The following AGAP1 variants were observed in gnomAD, a reference collection of about 807,000 sequenced individuals.
The protein encoded by AGAP1 is arf-GAP with GTPase, ANK repeat and PH domain-containing protein 1.
A neutral mutation model predicts 105.3 loss-of-function variants in AGAP1; 29 were observed. The observed-to-expected ratio is 0.28, with a 90% CI of 0.21 to 0.38. AGAP1 has a LOEUF of 0.38. Among genes scored for constraint, AGAP1 ranks in the 10% least tolerant of loss-of-function variants. AGAP1 has a pLI of 1.00. For synonymous variants in AGAP1, 509 were observed against 485.9 expected (o/e 1.05, Z -0.63); for missense variants, 998 against 1,165.1 (o/e 0.86, Z 2.09).
chr2:235,651,585 C>T (rs550944320), intron 1 of AGAP1, among the ~76,000 whole-genome samples: 24 of 152,268 alleles, frequency 1.6e-4, no homozygotes, highest in African/African-American at 5.5e-4. Flanking sequence ...ATGTCGACGA[C>T]GTAGACAGAT....
intron 1 of AGAP1, among the ~76,000 whole-genome samples, chr2:235,590,957 G>A (rs371030446): frequency 5.3e-5 from 8 of 151,360 alleles, no homozygotes; most frequent in East Asian, 3.9e-4. Flanking sequence ...TCCTGACCTC[G>A]TGATCCGCCT....
At chr2:235,833,081 TA>T (rs763476820) in intron 9 of AGAP1, among the ~76,000 whole-genome samples, 1,968 of 152,262 alleles carry the variant, frequency 0.013, 37 homozygotes, top group South Asian at 0.082. Context: ...GGGAGCATGG[TA>T]GAAGAGACAA....
Position 236,040,379 on chromosome 2 carries a change from C to A in AGAP1, c.1801-372C>A, listed in dbSNP as rs1464832840. ...CCCTGGGCTTATAAACGGATTATTT[C>A]TTTCTCATTCTTCTTACCAAGTAGA... On this transcript the variant is annotated intron_variant, in intron 14 of 17. Coordinates refer to ENST00000304032, the MANE Select transcript of AGAP1 (RefSeq NM_001037131.3). This position sits in a 1 kb window ranked among gnomAD's most constrained non-coding sequence, Gnocchi z 5.6. Among the ~76,000 whole-genome samples the A allele has an allele frequency of 2.0e-5, 3 of 152,218 alleles. No individual in the cohort carries two copies. The highest frequency in any genetic ancestry group is 2.0e-4 in the Admixed American group (3 of 15,294).
At chr2:235,933,859 G>A (rs548258039) in intron 12 of AGAP1, among the ~76,000 whole-genome samples, 40 of 152,240 alleles carry the variant, frequency 2.6e-4, no homozygotes, top group African/African-American at 7.9e-4. Flanking sequence ...ATGTCATACC[G>A]GAAATATTTT....
chr2:235,532,349 T>C (rs1943072033), intron 1 of AGAP1, among the ~76,000 whole-genome samples: 1 of 152,206 alleles, frequency 6.6e-6, no homozygotes. Flanking sequence ...CCCAAATACC[T>C]GGGACTGCAG....
chr2:235,958,770 C>G lies in AGAP1; in HGVS notation c.1484-9692C>G, dbSNP rs2054055836. Among the ~76,000 whole-genome samples the G allele has an allele frequency of 6.6e-6, 1 of 152,198 alleles. No individual in the cohort carries two copies. The highest frequency in any genetic ancestry group is 2.4e-5 in the African/African-American group (1 of 41,448). ...AGCTAAGAATACATTCCTGGCCCATCAGTCTCAAGCAGGCTGCTTGATATT... is the reference window on the plus strand; with the variant it reads ...AGCTAAGAATACATTCCTGGCCCATGAGTCTCAAGCAGGCTGCTTGATATT... On this transcript the variant is annotated intron_variant, in intron 12 of 17. Coordinates refer to ENST00000304032, the MANE Select transcript of AGAP1 (RefSeq NM_001037131.3). The surrounding 1 kb of genome is among the most constrained non-coding windows in gnomAD (Gnocchi z 4.1).
rs1329420260 is a variant in AGAP1 at position 235,749,409 on chromosome 2, A to G, written c.539-945A>G. On this transcript the variant is annotated intron_variant, in intron 5 of 17. Coordinates refer to ENST00000304032, the MANE Select transcript of AGAP1 (RefSeq NM_001037131.3). The stretch of plus-strand genomic sequence containing the variant: ...AAAAAAAAAGCTCAGTTTCTTTTTT[A>G]GGAAACTGGTGCCGACATCCCTGTG... Among the ~76,000 whole-genome samples the G allele has an allele frequency of 4.6e-5, 7 of 151,040 alleles. No individual in the cohort carries two copies. In the East Asian group the frequency reaches 9.8e-4, roughly 21 times the overall value.
In AGAP1 at chr2:235,977,651, G is replaced by A. The variant is rs1422927430; in HGVS notation, c.1645+9028G>A. ...TTATATTTTCAGATGTTCTAGCTGA[G>A]CTCGCTTTGTCTTTCCTCCCAGGCC... On this transcript the variant is annotated intron_variant, in intron 13 of 17. Transcript: ENST00000304032. This position sits in a 1 kb window ranked among gnomAD's most constrained non-coding sequence, Gnocchi z 5.2. Among the ~76,000 whole-genome samples, 1 of 152,114 alleles carries A rather than the reference G, an allele frequency of 6.6e-6. No homozygotes were observed. Among genetic ancestry groups the A allele is most frequent in the Admixed American group, 6.5e-5 (1 of 15,274 alleles).
At chr2:236,108,337 A>G (rs930181017) in intron 16 of AGAP1, among the ~76,000 whole-genome samples, 1 of 152,092 alleles carries the variant, frequency 6.6e-6, no homozygotes, top group Non-Finnish European at 1.5e-5. Context: ...GCACTCTGGA[A>G]ATTCCTTGCT....
At position 235,926,389 on chromosome 2, in the gene AGAP1, C is replaced by A. The variant is rs150138529; in HGVS notation, c.1325-4376C>A. Among the ~76,000 whole-genome samples the A allele has an allele frequency of 3.3e-3, 499 of 152,304 alleles. 4 individuals are homozygous for A. The highest frequency in any genetic ancestry group is 6.0e-3 in the Non-Finnish European group (405 of 68,022). Reference sequence around the variant, plus strand: ...TGCTGACACATGGCACGAGATGCTCCATGGGCGTGTTAACCCAGCATGGCA... The same window carrying A: ...TGCTGACACATGGCACGAGATGCTCAATGGGCGTGTTAACCCAGCATGGCA... On this transcript the variant is annotated intron_variant, in intron 11 of 17. Transcript: ENST00000304032.
chr2:235,878,381 C>T (rs2049850226), intron 9 of AGAP1, among the ~76,000 whole-genome samples: 1 of 152,194 alleles, frequency 6.6e-6, no homozygotes, highest in Admixed American at 6.5e-5. Flanking sequence ...GTGGGACCCT[C>T]CAGCCCTGCA....
chr2:235,851,190 A>C (rs2048433510), intron 9 of AGAP1, among the ~76,000 whole-genome samples: 1 of 152,250 alleles, frequency 6.6e-6, no homozygotes, highest in Non-Finnish European at 1.5e-5. Flanking sequence ...CTAGAGTGCA[A>C]GGAGCCAGTG....
chr2:235,705,221 T>G lies in AGAP1; in HGVS notation c.164-3958T>G, dbSNP rs762009320. Among the ~76,000 whole-genome samples, 4 of 151,962 alleles carry G rather than the reference T, an allele frequency of 2.6e-5. No individual in the cohort carries two copies. The highest frequency in any genetic ancestry group is 5.9e-5 in the Non-Finnish European group (4 of 67,990). ...CTTGAACTCCTGACCTCAGGTGATC[T>G]GCGCGCCTCGGCCTCCTAAAGTGTT... On this transcript the variant is annotated intron_variant, in intron 1 of 17. Transcript: ENST00000304032. This position sits in a 1 kb window ranked among gnomAD's most constrained non-coding sequence, Gnocchi z 4.9.
chr2:236,091,836 G>A (rs944944330), intron 16 of AGAP1, among the ~76,000 whole-genome samples: 1 of 152,200 alleles, frequency 6.6e-6, no homozygotes, highest in Non-Finnish European at 1.5e-5. Flanking sequence ...TAGTGGCGTT[G>A]TTCGTAAGAG....
rs1173820228 is a variant in AGAP1, at chr2:235,574,291, T to G, written c.163+79442T>G. 6.6e-6 allele frequency among the ~76,000 whole-genome samples: 1 copy of G among 152,240 alleles called. No individual in the cohort carries two copies. The highest frequency in any genetic ancestry group is 1.5e-5 in the Non-Finnish European group (1 of 68,036). ...ACTCCTGCCATCAGGCATTAAAATCTTCCGAACAGAAAAGCTGAAAATGTT... is the reference window on the plus strand; with the variant it reads ...ACTCCTGCCATCAGGCATTAAAATCGTCCGAACAGAAAAGCTGAAAATGTT... On this transcript the variant is annotated intron_variant, in intron 1 of 17. Coordinates refer to ENST00000304032, the MANE Select transcript of AGAP1 (RefSeq NM_001037131.3). This position sits in a 1 kb window ranked among gnomAD's most constrained non-coding sequence, Gnocchi z 5.0.
intron 1 of AGAP1, among the ~76,000 whole-genome samples, chr2:235,598,634 G>T (rs1347198962): frequency 6.6e-6 from 1 of 152,122 alleles, no homozygotes; most frequent in African/African-American, 2.4e-5. Context: ...ACTCAGAATT[G>T]CCAAATTAAA....
intron 1 of AGAP1, among the ~76,000 whole-genome samples, chr2:235,654,587 T>G (rs1947713351): frequency 6.6e-6 from 1 of 152,218 alleles, no homozygotes; most frequent in Admixed American, 6.5e-5. Flanking sequence ...TCCCTATGTG[T>G]CTGTTAGTGG....
intron 13 of AGAP1, among the ~76,000 whole-genome samples, chr2:236,016,161 C>T (rs1288424161): frequency 1.3e-5 from 2 of 151,758 alleles, no homozygotes; most frequent in Non-Finnish European, 2.9e-5. Flanking sequence ...GTTAAGATAC[C>T]AGTGGAGCTT....
chr2:236,067,521 A>G (rs565569119), intron 16 of AGAP1, among the ~76,000 whole-genome samples: 1 of 152,226 alleles, frequency 6.6e-6, no homozygotes, highest in Non-Finnish European at 1.5e-5. Flanking sequence ...AGTCTTCAGT[A>G]TCTACAGAAA....
Sources: allele counts gnomAD v4.1 joint callset (sites outside exome capture counted in the v4.1 genomes callset), GRCh38; gene constraint gnomAD v4.1.1; non-coding constraint Gnocchi (gnomAD v3.1); transcripts MANE v1.5; gene names NCBI Gene and HGNC (gene_info 2026-07-23, HGNC 2026-07-21).